Variants in PDE1C observed in about 807,000 individuals in gnomAD.
The protein encoded by PDE1C is dual specificity calcium/calmodulin-dependent 3',5'-cyclic nucleotide phosphodiesterase 1C.
PDE1C carries 62 observed loss-of-function variants against 93.1 expected under a neutral mutation model. The observed-to-expected ratio is 0.67, with a 90% confidence interval of 0.54 to 0.82. PDE1C has a LOEUF of 0.82. Ranked by LOEUF, PDE1C falls within the 40% of genes least tolerant of loss-of-function variation. PDE1C has a pLI of 0.00. For missense variants in PDE1C, 742 were observed against 884.6 expected, an observed-to-expected ratio of 0.84 and a Z score of 2.04; for synonymous variants, 325 against 310.1, an observed-to-expected ratio of 1.05 and a Z score of -0.50.
At position 31,952,582 on chromosome 7, in the gene PDE1C, A is replaced by G. The variant is rs547499297; in HGVS notation, c.129-71722T>C. Reference sequence around the variant, plus strand: ...CCCATTTTTAGCAAAACGTTACTCTATGAGGAGGAAGAGAGGTTTTGGATG... The same window carrying G: ...CCCATTTTTAGCAAAACGTTACTCTGTGAGGAGGAAGAGAGGTTTTGGATG... On this transcript the variant is annotated intron_variant, in intron 2 of 17. Transcript: ENST00000396191. 2.7e-4 allele frequency among the ~76,000 whole-genome samples: 41 copies of G among 152,228 alleles called. No individual in the cohort carries two copies. In the South Asian group the frequency reaches 2.9e-3, roughly 11 times the overall value.
At chr7:32,402,464 G>A (rs1272851603) in intron 1 of PDE1C, among the ~76,000 whole-genome samples, 1 of 151,964 alleles carries the variant, frequency 6.6e-6, no homozygotes, top group African/African-American at 2.4e-5. Context: ...GGCAAGCAGA[G>A]ATGGATGTCC....
At chr7:32,066,295 C>T (rs543773722) in intron 1 of PDE1C, among the ~76,000 whole-genome samples, 3 of 152,208 alleles carry the variant, frequency 2.0e-5, no homozygotes, top group Admixed American at 2.0e-4. Context: ...AAGCTTGCTG[C>T]ATAGACAAAA....
chr7:31,784,870 G>A (rs1267787601), intron 16 of PDE1C: 3 of 152,120 alleles, frequency 2.0e-5, no homozygotes, highest in South Asian at 2.1e-4. Context: ...ACCTATGGCT[G>A]TAGGTTTTTC....
intron 2 of PDE1C, among the ~76,000 whole-genome samples, chr7:32,040,971 G>T (rs1305403301): frequency 1.3e-5 from 2 of 152,030 alleles, no homozygotes; most frequent in African/African-American, 4.8e-5. Context: ...TGAAGAACAA[G>T]ACCTGTCTGC....
chr7:32,349,905 G>A (rs998755997), intron 1 of PDE1C, among the ~76,000 whole-genome samples: 14 of 152,346 alleles, frequency 9.2e-5, no homozygotes, highest in African/African-American at 2.6e-4. Flanking sequence ...TGGGATTACA[G>A]GCGTGAGCCA....
intron 3 of PDE1C, among the ~76,000 whole-genome samples, chr7:32,149,893 C>A (rs1801132638): frequency 6.6e-6 from 1 of 152,184 alleles, no homozygotes; most frequent in South Asian, 2.1e-4. Context: ...CCCCACTCCA[C>A]CCCCATTGTG....
chr7:31,678,366 G>A, the PDE1C span, among the ~76,000 whole-genome samples: 1 of 152,132 alleles, frequency 6.6e-6, no homozygotes, highest in Admixed American at 6.5e-5. Flanking sequence ...TACTGTTAGT[G>A]CTTGACTAGG....
chr7:32,321,209 T>C (rs1585107721), intron 1 of PDE1C, among the ~76,000 whole-genome samples: 1 of 152,354 alleles, frequency 6.6e-6, no homozygotes, highest in African/African-American at 2.4e-5. Flanking sequence ...CTCATTTCTT[T>C]TGTGATACAG....
intron 2 of PDE1C, among the ~76,000 whole-genome samples, chr7:32,201,647 G>A (rs1199837034): frequency 1.3e-5 from 2 of 152,196 alleles, no homozygotes; most frequent in African/African-American, 4.8e-5. Flanking sequence ...TCCTAAAAGG[G>A]AGGTGGAAAT....
intron 3 of PDE1C, among the ~76,000 whole-genome samples, chr7:32,118,057 C>T (rs1050768573): frequency 1.4e-4 from 22 of 152,276 alleles, no homozygotes; most frequent in Admixed American, 4.6e-4. Flanking sequence ...ACAGACTTGT[C>T]TTTTCCCTAA....
At chr7:31,804,833 G>A (rs1480478431) in intron 16 of PDE1C, among the ~76,000 whole-genome samples, 1 of 151,784 alleles carries the variant, frequency 6.6e-6, no homozygotes, top group Non-Finnish European at 1.5e-5. Context: ...TGACAGGTGG[G>A]TAGTAAGTAG....
intron 8 of PDE1C, among the ~76,000 whole-genome samples, 189 bp from the exon 9 acceptor site, chr7:31,848,285 T>C (rs558096890): frequency 1.3e-5 from 2 of 152,304 alleles, no homozygotes; most frequent in East Asian, 1.9e-4. Flanking sequence ...GGGTATGTTA[T>C]ATCAGTACAT....
At chr7:31,661,072 A>G in the PDE1C span, among the ~76,000 whole-genome samples, 1 of 147,792 alleles carries the variant, frequency 6.8e-6, no homozygotes, top group Non-Finnish European at 1.5e-5. Context: ...AAAAGGTAAT[A>G]TCAATAAAAG....
chr7:31,661,262 G>T, the PDE1C span, among the ~76,000 whole-genome samples: 1 of 152,044 alleles, frequency 6.6e-6, no homozygotes, highest in East Asian at 1.9e-4. Flanking sequence ...TAGAAAGTGT[G>T]TTTCTACCTA....
chr7:32,015,751 T>C (rs74767363), intron 2 of PDE1C, among the ~76,000 whole-genome samples: 1,891 of 152,192 alleles, frequency 0.012, 24 homozygotes, highest in Non-Finnish European at 0.02. Context: ...AAAAGATACA[T>C]GGTTAATATT....
chr7:31,794,630 C>CA lies in PDE1C; in HGVS notation c.1891+14400dup, dbSNP rs571391788. 1.9e-4 allele frequency among the ~76,000 whole-genome samples: 29 copies of CA among 152,110 alleles called. No individual in the cohort carries two copies. In the South Asian group the frequency reaches 5.6e-3, roughly 29 times the overall value. ...AAACACTGAACTCTCTAAATGCCCC[C>CA]AATGCCTGGCCCACTTTTAGCAGAC... On this transcript the variant is annotated intron_variant, in intron 16 of 17. Transcript: ENST00000396191.
chr7:31,915,902 A>C (rs992365964), intron 2 of PDE1C, among the ~76,000 whole-genome samples: 1 of 152,214 alleles, frequency 6.6e-6, no homozygotes, highest in Non-Finnish European at 1.5e-5. Flanking sequence ...ACGAAGAATG[A>C]ACAGTTGTGC....
At chr7:32,189,479 G>T (rs1412935246) in intron 2 of PDE1C, among the ~76,000 whole-genome samples, 1 of 152,140 alleles carries the variant, frequency 6.6e-6, no homozygotes, top group African/African-American at 2.4e-5. Context: ...GCCAATGTCT[G>T]CAAAGCATGC....
At chr7:31,759,075 C>T (rs1794667062) in intron 17 of PDE1C, among the ~76,000 whole-genome samples, 1 of 152,152 alleles carries the variant, frequency 6.6e-6, no homozygotes, top group Non-Finnish European at 1.5e-5. Flanking sequence ...AGGTAGACTC[C>T]CCACTGAGTT....
Sources: gnomAD v4.1 joint callset for allele counts (sites outside exome capture counted in the v4.1 genomes callset) on GRCh38, gnomAD v4.1.1 for gene constraint, MANE v1.5 for transcripts, NCBI Gene and HGNC (gene_info 2026-07-23, HGNC 2026-07-21) for gene names.